Variants in CTNNA3 observed in about 807,000 individuals in gnomAD.
The protein encoded by CTNNA3 is catenin alpha 3, also known as catenin alpha-3.
A neutral mutation model predicts 95.7 loss-of-function variants in CTNNA3; 76 were observed. That is an observed-to-expected ratio of 0.79 (90% CI 0.66 to 0.96). The LOEUF (loss-of-function observed/expected upper bound fraction) is 0.96. Among genes scored for constraint, CTNNA3 ranks in the 40% least tolerant of loss-of-function variants. The pLI, the probability that CTNNA3 is intolerant of heterozygous loss-of-function variation, is 0.00. For synonymous variants in CTNNA3, 431 were observed against 374.4 expected, an observed-to-expected ratio of 1.15 and a Z score of -1.74; for missense variants, 1,191 against 1,089.8, an observed-to-expected ratio of 1.09 and a Z score of -1.31.
At chr10:67,521,654 TA>T (rs1839990988) in intron 5 of CTNNA3, among the ~76,000 whole-genome samples, 187 bp downstream of exon 5, 1 of 152,162 alleles carries the variant, frequency 6.6e-6, no homozygotes, top group Non-Finnish European at 1.5e-5. Context: ...AGTACACATC[TA>T]AAAGCAAGGA....
intron 1 of CTNNA3, among the ~76,000 whole-genome samples, chr10:67,726,447 ATATTATATAT>A (rs1841222095): frequency 5.4e-5 from 3 of 56,038 alleles, no homozygotes; most frequent in South Asian, 1.3e-3. Flanking sequence ...ATAATATATA[ATATTATATAT>A]GATATATGAT....
At chr10:67,176,337 A>G (rs2132125403) in intron 7 of CTNNA3, among the ~76,000 whole-genome samples, 1 of 152,340 alleles carries the variant, frequency 6.6e-6, no homozygotes, top group South Asian at 2.1e-4. Context: ...TACATGGCAT[A>G]TACAACATGC....
chr10:66,648,192 T>C (rs2394263), intron 9 of CTNNA3, among the ~76,000 whole-genome samples: 100,653 of 151,898 alleles, frequency 0.66, 34,225 homozygotes, highest in East Asian at 0.95. Context: ...CAGAAGAACT[T>C]TTACAAAAGC....
At chr10:66,595,865 T>A (rs1843697259) in intron 10 of CTNNA3, among the ~76,000 whole-genome samples, 1 of 151,892 alleles carries the variant, frequency 6.6e-6, no homozygotes, top group African/African-American at 2.4e-5. Flanking sequence ...CACAGACTGG[T>A]CTTAAACTCC....
intron 7 of CTNNA3, among the ~76,000 whole-genome samples, chr10:67,140,872 C>G (rs933153920): frequency 6.6e-6 from 1 of 152,134 alleles, no homozygotes; most frequent in African/African-American, 2.4e-5. Flanking sequence ...TGCTTTCTTA[C>G]AAGACAGCAT....
chr10:65,931,780 C>G (rs1422909036), intron 17 of CTNNA3, among the ~76,000 whole-genome samples: 1 of 152,166 alleles, frequency 6.6e-6, no homozygotes, highest in East Asian at 1.9e-4. Flanking sequence ...TTCTATAGAT[C>G]AGCACAGCTG....
intron 11 of CTNNA3, among the ~76,000 whole-genome samples, chr10:66,513,150 T>G (rs1840720987): frequency 6.6e-6 from 1 of 152,202 alleles, no homozygotes; most frequent in Admixed American, 6.5e-5. Flanking sequence ...ATAGACTATT[T>G]GTTTGCATAG....
intron 13 of CTNNA3, among the ~76,000 whole-genome samples, chr10:66,219,577 C>A (rs1262351010): frequency 1.3e-5 from 2 of 152,046 alleles, no homozygotes; most frequent in Admixed American, 1.3e-4. Flanking sequence ...CTCTTAACAG[C>A]CACATGAGAA....
chr10:65,938,345 C>T (rs867479292), intron 17 of CTNNA3, among the ~76,000 whole-genome samples: 13 of 152,078 alleles, frequency 8.5e-5, no homozygotes, highest in African/African-American at 2.9e-4. Context: ...AGGGAAATAA[C>T]GCATAATTAT....
intron 5 of CTNNA3, among the ~76,000 whole-genome samples, chr10:67,416,539 C>T (rs1334902407): frequency 1.5e-5 from 2 of 135,572 alleles, no homozygotes; most frequent in African/African-American, 2.8e-5. Flanking sequence ...ACCCGGGGGG[C>T]GGAGCTTGCA....
intron 15 of CTNNA3, among the ~76,000 whole-genome samples, chr10:66,044,820 C>T (rs530763859): frequency 1.6e-3 from 250 of 152,252 alleles, no homozygotes; most frequent in South Asian, 5.2e-3. Flanking sequence ...TTTATTGTGT[C>T]GTCACTCTGT....
chr10:67,727,568 A>G (rs1231703776), intron 1 of CTNNA3, among the ~76,000 whole-genome samples: 1 of 129,388 alleles, frequency 7.7e-6, no homozygotes, highest in Non-Finnish European at 1.6e-5. Flanking sequence ...AATATATAAT[A>G]TGTAGCATAA....
intron 1 of CTNNA3, among the ~76,000 whole-genome samples, chr10:67,716,283 T>A (rs771320391): frequency 2.6e-5 from 4 of 152,144 alleles, no homozygotes; most frequent in Non-Finnish European, 5.9e-5. Context: ...TAGACCATGA[T>A]CTTTTCTAAT....
chr10:66,123,102 C>T (rs2082655003), intron 13 of CTNNA3, among the ~76,000 whole-genome samples: 1 of 152,142 alleles, frequency 6.6e-6, no homozygotes, highest in African/African-American at 2.4e-5. Flanking sequence ...CTCAAAAGTC[C>T]ACAGTCCAAC....
rs1166357986 is a variant in CTNNA3, at chr10:66,412,555, G to A, written c.1532-33203C>T. 2.0e-5 allele frequency among the ~76,000 whole-genome samples: 3 copies of A among 148,892 alleles called. No homozygotes were observed. In the East Asian group the frequency reaches 6.1e-4, roughly 30 times the overall value. On this transcript the variant is annotated intron_variant, in intron 11 of 17. Transcript: ENST00000433211. ...GGCTCACTGCAAGTTCTGTCTCCCT[G>A]GTTTACACCATTCTCCTTCTCAGCC...
chr10:66,902,483 G>A (rs935759650), intron 7 of CTNNA3, among the ~76,000 whole-genome samples: 1 of 151,990 alleles, frequency 6.6e-6, no homozygotes, highest in Non-Finnish European at 1.5e-5. Context: ...AGAGAAGCAA[G>A]AGCAAACAAA....
chr10:67,451,124 G>A (rs1253404399), intron 5 of CTNNA3, among the ~76,000 whole-genome samples: 3 of 151,972 alleles, frequency 2.0e-5, no homozygotes, highest in Non-Finnish European at 4.4e-5. Flanking sequence ...CCTGATAAAG[G>A]ATAAGTTTGG....
chr10:66,024,085 A>ATTTTTTTTTTTTTTTTCTTTTTTTT (rs2079283638), intron 15 of CTNNA3, among the ~76,000 whole-genome samples: 1 of 87,750 alleles, frequency 1.1e-5, no homozygotes, highest in Admixed American at 1.7e-4. Flanking sequence ...TACCATACAC[A>ATTTTTTTTTTTTTTTTCTTTTTTTT]TTTTTTTTTT....
chr10:66,602,783 C>T (rs1481656399), intron 10 of CTNNA3, among the ~76,000 whole-genome samples: 1 of 151,970 alleles, frequency 6.6e-6, no homozygotes, highest in African/African-American at 2.4e-5. Context: ...ATGCAAGAAT[C>T]TTTTAACATG....
Sources: allele counts gnomAD v4.1 joint callset (sites outside exome capture counted in the v4.1 genomes callset), GRCh38; gene constraint gnomAD v4.1.1; transcripts MANE v1.5; gene names NCBI Gene and HGNC (gene_info 2026-07-23, HGNC 2026-07-21).